Variants in DEPDC5 observed in about 807,000 individuals in gnomAD.
The protein encoded by DEPDC5 is GATOR1 complex protein DEPDC5.
A neutral mutation model predicts 217.3 loss-of-function variants in DEPDC5; 73 were observed. The observed-to-expected ratio is 0.34, with a 90% CI of 0.28 to 0.41. The LOEUF (loss-of-function observed/expected upper bound fraction) is 0.41. Among genes scored for constraint, DEPDC5 ranks in the 10% least tolerant of loss-of-function variants. The pLI, the probability that DEPDC5 is intolerant of heterozygous loss-of-function variation, is 1.00. For missense variants in DEPDC5, 1,675 were observed against 2,070.1 expected (o/e 0.81, Z 3.70); for synonymous variants, 733 against 756.7 (o/e 0.97, Z 0.51).
chr22:31,882,354 G>A (rs544640708), intron 38 of DEPDC5, among the ~76,000 whole-genome samples: 2 of 152,100 alleles, frequency 1.3e-5, no homozygotes, highest in African/African-American at 2.4e-5. Context: ...CACTCCCCTC[G>A]GGGTTACTTT....
rs59233154 is a variant in DEPDC5, at chr22:31,867,964, C to T, written c.3331-2626C>T. Among the ~76,000 whole-genome samples, 1,075 of 152,230 alleles carry T rather than the reference C, an allele frequency of 7.1e-3. 14 individuals are homozygous for T. The highest frequency in any genetic ancestry group is 0.024 in the African/African-American group (977 of 41,524). On this transcript the variant is annotated intron_variant, in intron 33 of 42. Transcript: ENST00000651528. ...TATGCATAAGAGCTGGTTCTAGTCC[C>T]CTTTAGTTAGCTTATTCTCATTTAA...
At chr22:31,899,187 A>G (rs1250526374) in intron 40 of DEPDC5, among the ~76,000 whole-genome samples, 1 of 152,214 alleles carries the variant, frequency 6.6e-6, no homozygotes, top group Non-Finnish European at 1.5e-5. Context: ...GTTGGTTGCC[A>G]TGGTTACAGC....
chr22:31,847,391 A>G (rs1171406734), intron 31 of DEPDC5, among the ~76,000 whole-genome samples: 2 of 151,888 alleles, frequency 1.3e-5, no homozygotes, highest in African/African-American at 2.4e-5. Flanking sequence ...ATATTAGTCC[A>G]TTCTCACACT....
At chr22:31,809,537 A>G (rs2087988822) in intron 18 of DEPDC5, 74 bp from the exon 19 acceptor site, 1 of 1,540,952 alleles carries the variant, frequency 6.5e-7, no homozygotes, top group Non-Finnish European at 9.0e-7. Context: ...GGAGCAGCAC[A>G]TATATACTGT....
At position 31,870,742 on chromosome 22, in the gene DEPDC5, C is replaced by A; in HGVS notation, c.3483C>A (p.Ser1161Arg). ...ACTCCTCCACAAACTCCAGTGACAG[C>A]AGGTGAGATTCAGAGTGGCCAAACT... ...QGYSSTNSSDSSSQQLVASSL... is the reference protein window; with the variant it reads ...QGYSSTNSSDRSSQQLVASSL... Residue 1161 changes from serine to arginine, a missense_variant and splice_region_variant, in exon 34 of 43, where the codon AGC (serine) becomes AGA (arginine). Physicochemically the swap from Ser to Arg is moderately radical, Grantham distance 110. Transcript: ENST00000651528. 1 of 1,563,712 alleles carries A rather than the reference C, an allele frequency of 6.4e-7. No homozygotes were observed.
intron 4 of DEPDC5, among the ~76,000 whole-genome samples, chr22:31,763,029 C>T (rs936898242): frequency 2.6e-5 from 4 of 151,550 alleles, no homozygotes; most frequent in African/African-American, 7.3e-5. Flanking sequence ...CTCACTCTGT[C>T]ACCCAGGCTG....
chr22:31,884,769 A>G (rs898232197), intron 38 of DEPDC5, among the ~76,000 whole-genome samples: 6 of 152,060 alleles, frequency 3.9e-5, no homozygotes, highest in Admixed American at 1.3e-4. Flanking sequence ...CCTACTTGAC[A>G]TGGTCACTTA....
intron 14 of DEPDC5, 25 bp downstream of exon 14, chr22:31,798,681 C>A (rs772277367): frequency 1.2e-6 from 2 of 1,603,982 alleles, no homozygotes; most frequent in Non-Finnish European, 1.7e-6. Context: ...CGGCCATGAG[C>A]CAGCATCTTG....
chr22:31,833,099 A>G (rs1018517902), intron 24 of DEPDC5, among the ~76,000 whole-genome samples: 7 of 152,180 alleles, frequency 4.6e-5, no homozygotes, highest in Admixed American at 6.5e-5. Context: ...GTCTCACTCT[A>G]TCACCCAGGC....
intron 36 of DEPDC5, among the ~76,000 whole-genome samples, chr22:31,874,607 G>A (rs1384364958): frequency 3.3e-5 from 5 of 152,170 alleles, no homozygotes; most frequent in Non-Finnish European, 7.3e-5. Flanking sequence ...TAAAAACCGT[G>A]CAGAATTTAT....
intron 11 of DEPDC5, 77 bp from the exon 12 acceptor site, chr22:31,792,668 T>C: frequency 9.9e-7 from 1 of 1,005,190 alleles, no homozygotes; most frequent in Non-Finnish European, 1.4e-6. Context: ...TGCAAATCTT[T>C]AACCCAGAAG....
intron 2 of DEPDC5, chr22:31,757,225 G>A (rs1175114128): frequency 2.0e-5 from 3 of 152,294 alleles, no homozygotes; most frequent in African/African-American, 7.2e-5. Context: ...GTGTATGCCT[G>A]TAGTCACAGC....
intron 4 of DEPDC5, among the ~76,000 whole-genome samples, chr22:31,760,964 T>C (rs1010732075): frequency 5.3e-5 from 8 of 152,016 alleles, no homozygotes; most frequent in African/African-American, 1.7e-4. Flanking sequence ...AAGAATGTTG[T>C]ATCTGTGTCT....
At position 31,897,561 on chromosome 22, in the gene DEPDC5, G is replaced by A. The variant is rs1423776421; in HGVS notation, c.4283G>A (p.Ser1428Asn). The change falls in exon 40 of 43, where the codon AGT becomes AAT. Residue 1428 changes from serine (S) to asparagine (N), a missense_variant. By Grantham distance (46) the Ser-to-Asn change is conservative (BLOSUM62 1). This residue lies in a region of DEPDC5 where 182 missense variants were observed against 290.1 expected (regional missense o/e 0.63). Coordinates refer to ENST00000651528, the MANE Select transcript of DEPDC5 (RefSeq NM_001242896.3). ...PVLEGPFALP[S>N]YLYGDPLRAQ... ...TTGGAGGGGCCTTTTGCACTGCCCA[G>A]TTACCTGTATGGCGACCCCCTTCGT... is the stretch of plus-strand genomic sequence containing the variant. 5 of 1,614,162 alleles carry A rather than the reference G, an allele frequency of 3.1e-6. No homozygotes were observed. Among genetic ancestry groups the A allele is most frequent in the South Asian group, 1.1e-5 (1 of 91,080 alleles).
intron 23 of DEPDC5, 64 bp downstream of exon 23, chr22:31,821,701 T>G: frequency 6.3e-7 from 1 of 1,580,880 alleles, no homozygotes; most frequent in Non-Finnish European, 8.7e-7. Flanking sequence ...CAGGACAATG[T>G]GCAGAACAGA....
rs776476879 is a variant in DEPDC5 at position 31,822,682 on chromosome 22, G to T, written c.2007-11G>T. On this transcript the variant is annotated splice_polypyrimidine_tract_variant and intron_variant, in intron 23 of 42. Transcript: ENST00000651528. The stretch of plus-strand genomic sequence containing the variant: ...ACATTAAGCCAGGTGGCTGGGCTCT[G>T]TTCTCTGCAGGCACAGCAATTCCCG... 74 of 1,613,696 alleles carry T rather than the reference G, an allele frequency of 4.6e-5. No homozygotes were observed. The highest frequency in any genetic ancestry group is 2.8e-4 in the Admixed American group (17 of 59,996).
At chr22:31,785,986 T>C (rs1569520144) in intron 10 of DEPDC5, among the ~76,000 whole-genome samples, 2 of 152,028 alleles carry the variant, frequency 1.3e-5, no homozygotes, top group South Asian at 2.1e-4. Flanking sequence ...GCTAAAGTCA[T>C]CTGGGTGCGG....
chr22:31,860,675 A>C (rs903170935), intron 32 of DEPDC5, among the ~76,000 whole-genome samples: 1 of 152,060 alleles, frequency 6.6e-6, no homozygotes, highest in Non-Finnish European at 1.5e-5. Context: ...CTGACATTAT[A>C]TATGTCTTAG....
Position 31,893,755 on chromosome 22 carries a change from A to G in DEPDC5, c.4203+4A>G. 1 of 1,595,218 alleles carries G rather than the reference A, an allele frequency of 6.3e-7. No homozygotes were observed. The highest frequency in any genetic ancestry group is 1.7e-4 in the Middle Eastern group (1 of 5,858). On this transcript the variant is annotated splice_donor_region_variant and intron_variant, in intron 39 of 42. Transcript: ENST00000651528. ...CGCAGCAGTACTCTTCGAGATGGTG[A>G]GAACCTTCATGCATGTTGTCAGGCC...
Sources: allele counts gnomAD v4.1 joint callset (sites outside exome capture counted in the v4.1 genomes callset), GRCh38; gene constraint gnomAD v4.1.1; regional missense constraint gnomAD v4.1.1; transcripts MANE v1.5; gene names NCBI Gene and HGNC (gene_info 2026-07-23, HGNC 2026-07-21).